Variants in EVI5 observed in about 807,000 individuals in gnomAD.
EVI5 encodes ecotropic viral integration site 5, also known as ecotropic viral integration site 5 protein homolog.
EVI5 carries 73 observed loss-of-function variants against 112.0 expected under a neutral mutation model. That is an observed-to-expected ratio of 0.65 (90% confidence interval 0.54 to 0.79). The LOEUF (loss-of-function observed/expected upper bound fraction) is 0.79, where lower values mean the gene tolerates loss of function less well. Ranked by LOEUF, EVI5 falls within the 30% of genes least tolerant of loss-of-function variation. The pLI, the probability that EVI5 is intolerant of heterozygous loss-of-function variation, is 0.00. For missense variants in EVI5, 900 were observed against 968.8 expected, an observed-to-expected ratio of 0.93 and a Z score of 0.94; for synonymous variants, 305 against 319.9, an observed-to-expected ratio of 0.95 and a Z score of 0.50.
At chr1:92,692,960 A>C (rs1222382991) in intron 9 of EVI5, among the ~76,000 whole-genome samples, 1 of 152,212 alleles carries the variant, frequency 6.6e-6, no homozygotes, top group Non-Finnish European at 1.5e-5. Context: ...TAATTAATAC[A>C]CTTAATCTGT....
At chr1:92,522,631 CAAAAAAAA>C (rs61277173) in intron 19 of EVI5, among the ~76,000 whole-genome samples, 3 of 70,486 alleles carry the variant, frequency 4.3e-5, no homozygotes, top group African/African-American at 1.9e-4. Context: ...ACTCCATCTC[CAAAAAAAA>C]AAAAAAAAAA....
intron 18 of EVI5, among the ~76,000 whole-genome samples, chr1:92,591,256 C>T (rs1053103541): frequency 6.6e-6 from 1 of 152,170 alleles, no homozygotes; most frequent in African/African-American, 2.4e-5. Context: ...CAAATTCACA[C>T]ATAACAATAT....
At chr1:92,654,510 T>A (rs890692056) in intron 13 of EVI5, among the ~76,000 whole-genome samples, 22 of 152,018 alleles carry the variant, frequency 1.4e-4, no homozygotes, top group African/African-American at 5.1e-4. Flanking sequence ...AGTTATATCC[T>A]TCAGAGGAAA....
intron 14 of EVI5, among the ~76,000 whole-genome samples, chr1:92,630,357 A>T (rs1276765160): frequency 6.6e-6 from 1 of 152,150 alleles, no homozygotes; most frequent in Non-Finnish European, 1.5e-5. Flanking sequence ...AATGATCACC[A>T]TTCTAACTGG....
intron 1 of EVI5, among the ~76,000 whole-genome samples, chr1:92,774,790 T>C (rs939867333): frequency 3.3e-5 from 5 of 152,172 alleles, no homozygotes; most frequent in Non-Finnish European, 5.9e-5. Context: ...CACATTGGTT[T>C]TGGCCACTTA....
intron 1 of EVI5, among the ~76,000 whole-genome samples, chr1:92,745,131 G>T (rs1397364223): frequency 2.0e-5 from 3 of 148,486 alleles, no homozygotes; most frequent in Non-Finnish European, 4.5e-5. Context: ...TAGAGACAGG[G>T]TTTCACCATG....
chr1:92,573,277 T>C (rs1479773079), intron 18 of EVI5, among the ~76,000 whole-genome samples: 1 of 152,072 alleles, frequency 6.6e-6, no homozygotes, highest in African/African-American at 2.4e-5. Context: ...TTTTGAAAGC[T>C]ACACAAAGAG....
In EVI5 at chr1:92,737,068, T is replaced by C. The variant is rs141805106; in HGVS notation, c.-81-441A>G. ...AAGTCAAGGAATTAAAACATGTCCA[T>C]TAGATGATCAGGGAAATCCTGTAAC... On this transcript the variant is annotated intron_variant, in intron 1 of 19. Transcript: ENST00000684568. Among the ~76,000 whole-genome samples, 161 of 152,294 alleles carry C rather than the reference T, an allele frequency of 1.1e-3. 3 individuals carry two copies. The highest frequency in any genetic ancestry group is 3.7e-3 in the African/African-American group (154 of 41,560).
At chr1:92,539,194 G>A (rs1271127609) in intron 19 of EVI5, among the ~76,000 whole-genome samples, 1 of 152,078 alleles carries the variant, frequency 6.6e-6, no homozygotes, top group Non-Finnish European at 1.5e-5. Context: ...CAAGATAATT[G>A]AGGGATGGAG....
intron 1 of EVI5, among the ~76,000 whole-genome samples, chr1:92,783,285 G>T (rs1318282595): frequency 6.6e-6 from 1 of 151,460 alleles, no homozygotes; most frequent in Non-Finnish European, 1.5e-5. Context: ...CAGCACTTTC[G>T]AAGGCCGAGG....
intron 2 of EVI5, chr1:92,732,323 A>T (rs1676610653): frequency 2.5e-6 from 1 of 400,946 alleles, no homozygotes; most frequent in South Asian, 2.2e-5. Context: ...AAAGCCTTAC[A>T]TGACTGCCAC....
At chr1:92,625,562 C>A (rs552450242) in intron 15 of EVI5, 21 of 375,920 alleles carry the variant, frequency 5.6e-5, no homozygotes, top group Non-Finnish European at 8.7e-5. Context: ...GGTACAATGA[C>A]AAAAATATTA....
At chr1:92,546,482 A>G (rs916056812) in intron 19 of EVI5, among the ~76,000 whole-genome samples, 6 of 152,132 alleles carry the variant, frequency 3.9e-5, no homozygotes, top group Non-Finnish European at 8.8e-5. Context: ...GTGGATCACA[A>G]GGTCAGGAGT....
chr1:92,680,772 T>C (rs1667459161), intron 9 of EVI5, among the ~76,000 whole-genome samples: 1 of 152,172 alleles, frequency 6.6e-6, no homozygotes, highest in Non-Finnish European at 1.5e-5. Context: ...AGATATAATA[T>C]CAGGGGTATA....
intron 1 of EVI5, among the ~76,000 whole-genome samples, chr1:92,752,280 T>G (rs1680304646): frequency 1.3e-5 from 2 of 152,022 alleles, no homozygotes; most frequent in South Asian, 4.1e-4. Context: ...GTTCAAGCAA[T>G]TCTCCTGCCT....
At chr1:92,656,472 C>T (rs1035801975) in intron 13 of EVI5, among the ~76,000 whole-genome samples, 12 of 151,534 alleles carry the variant, frequency 7.9e-5, no homozygotes, top group South Asian at 6.3e-4. Flanking sequence ...AACCTGGCAT[C>T]GTACCTCAAG....
chr1:92,622,242 TA>T, intron 16 of EVI5: 1 of 368,870 alleles, frequency 2.7e-6, no homozygotes, highest in Non-Finnish European at 5.4e-6. Context: ...AGTATTTTGA[TA>T]ACTGTACCTC....
At chr1:92,745,133 T>G (rs1049350492) in intron 1 of EVI5, among the ~76,000 whole-genome samples, 1 of 149,372 alleles carries the variant, frequency 6.7e-6, no homozygotes, top group South Asian at 2.1e-4. Flanking sequence ...GAGACAGGGT[T>G]TCACCATGTT....
chr1:92,594,977 C>T (rs538258600), intron 18 of EVI5, among the ~76,000 whole-genome samples: 15 of 152,184 alleles, frequency 9.9e-5, no homozygotes, highest in African/African-American at 3.6e-4. Context: ...GGACTGTAAA[C>T]TAGTTCAACC....
Sources: gnomAD v4.1 joint callset for allele counts (sites outside exome capture counted in the v4.1 genomes callset) on GRCh38, gnomAD v4.1.1 for gene constraint, MANE v1.5 for transcripts, NCBI Gene and HGNC (gene_info 2026-07-23, HGNC 2026-07-21) for gene names.